Variants in OPCML observed in about 807,000 individuals in gnomAD.
OPCML encodes the protein opioid binding protein/cell adhesion molecule like.
Under a neutral mutation model 37.8 loss-of-function variants are expected in OPCML, and 13 were observed. The observed-to-expected ratio is 0.34, with a 90% CI of 0.22 to 0.55. The LOEUF (loss-of-function observed/expected upper bound fraction) is 0.55. OPCML is among the 20% of genes least tolerant of loss of function. The pLI is 0.91. For missense variants in OPCML, 341 were observed against 435.6 expected (o/e 0.78, Z 1.93); for synonymous variants, 176 against 168.8 (o/e 1.04, Z -0.33).
At chr11:133,318,839 G>T (rs980828038) in intron 1 of OPCML, among the ~76,000 whole-genome samples, 1 of 151,930 alleles carries the variant, frequency 6.6e-6, no homozygotes, top group Non-Finnish European at 1.5e-5. Context: ...GAGTTTGAGA[G>T]CAGCCTGGCC....
intron 1 of OPCML, among the ~76,000 whole-genome samples, chr11:133,099,163 C>T (rs1410762687): frequency 6.6e-6 from 1 of 151,892 alleles, no homozygotes; most frequent in East Asian, 1.9e-4. Flanking sequence ...AAGAAAACTA[C>T]AAAGATATCA....
chr11:132,673,769 A>G (rs547595172), intron 2 of OPCML, among the ~76,000 whole-genome samples: 35 of 152,258 alleles, frequency 2.3e-4, no homozygotes, highest in African/African-American at 8.4e-4. Flanking sequence ...CCTTATGATG[A>G]CTTGTCAAAA....
At chr11:132,637,097 A>AT (rs775142360) in intron 3 of OPCML, among the ~76,000 whole-genome samples, 11 of 151,402 alleles carry the variant, frequency 7.3e-5, no homozygotes, top group Non-Finnish European at 1.0e-4. Flanking sequence ...CTATTTATAT[A>AT]TTTTTTACTT....
chr11:132,708,823 T>C (rs186183337), intron 2 of OPCML, among the ~76,000 whole-genome samples: 55 of 152,362 alleles, frequency 3.6e-4, no homozygotes, highest in Non-Finnish European at 1.9e-4. Context: ...ACATACATTA[T>C]GGCTACCAGT....
At chr11:133,471,060 C>T (rs1325294035) in intron 1 of OPCML, among the ~76,000 whole-genome samples, 1 of 152,196 alleles carries the variant, frequency 6.6e-6, no homozygotes, top group Non-Finnish European at 1.5e-5. Context: ...GACATGATCC[C>T]TGTCCTTGAA....
At chr11:132,994,217 G>A (rs1946835826) in intron 1 of OPCML, among the ~76,000 whole-genome samples, 1 of 152,328 alleles carries the variant, frequency 6.6e-6, no homozygotes, top group East Asian at 1.9e-4. Flanking sequence ...AGCGGCTGGT[G>A]CGCTCCTGCC....
At chr11:133,203,592 A>T (rs1938895926) in intron 1 of OPCML, among the ~76,000 whole-genome samples, 1 of 152,170 alleles carries the variant, frequency 6.6e-6, no homozygotes, top group Non-Finnish European at 1.5e-5. Context: ...TAGAAGATAA[A>T]TTACTAAGAA....
intron 1 of OPCML, among the ~76,000 whole-genome samples, chr11:133,401,101 T>C (rs1161528578): frequency 6.6e-6 from 1 of 152,098 alleles, no homozygotes; most frequent in Non-Finnish European, 1.5e-5. Flanking sequence ...GAAAAATAAA[T>C]ACCAAGAGGA....
chr11:132,721,100 C>CTCAT (rs750126243), intron 2 of OPCML, among the ~76,000 whole-genome samples: 157 of 152,218 alleles, frequency 1.0e-3, no homozygotes, highest in African/African-American at 2.6e-3. Context: ...GGTTTGATTG[C>CTCAT]TCATTCATTC....
In OPCML at chr11:133,205,129, ATGAGG is replaced by A. The variant is rs1177569705; in HGVS notation, c.62-262124_62-262120del. Among the ~76,000 whole-genome samples, 1 of 151,800 alleles carries A rather than the reference ATGAGG, an allele frequency of 6.6e-6. No individual in the cohort carries two copies. The highest frequency in any genetic ancestry group is 1.5e-5 in the Non-Finnish European group (1 of 67,980). On this transcript the variant is annotated intron_variant, in intron 1 of 7. Coordinates refer to ENST00000524381, the MANE Select transcript of OPCML (RefSeq NM_001012393.5). This position sits in a 1 kb window ranked among gnomAD's most constrained non-coding sequence, Gnocchi z 4.8. ...CACCCTCTTCTTCCTGGGAGGGGAG[ATGAGG>A]TGAAGGTTGAGTTGCTCACCAATGG...
At chr11:133,118,422 G>T (rs751810089) in intron 1 of OPCML, 61 of 985,196 alleles carry the variant, frequency 6.2e-5, no homozygotes, top group Non-Finnish European at 7.4e-5. Flanking sequence ...CTTTCATGGA[G>T]TTTACACAAT....
rs960759102 is a variant in OPCML at position 133,003,992 on chromosome 11, C to A, written c.62-60982G>T. 22 of 985,294 alleles carry A rather than the reference C, an allele frequency of 2.2e-5. No individual in the cohort carries two copies. In the Admixed American group the frequency reaches 1.4e-3, roughly 61 times the overall value. The allele number at this position is 985,294 out of a possible 1,614,324, so 61.0% of individuals were successfully genotyped here. On this transcript the variant is annotated intron_variant, in intron 1 of 7. Transcript: ENST00000524381. ...AGATCCCTCGAGAAGTCCCTGCACC[C>A]CGAGGAAGTGGCACACGTCTCTCAC...
intron 1 of OPCML, among the ~76,000 whole-genome samples, chr11:133,196,518 A>G (rs115810870): frequency 2.8e-3 from 425 of 152,320 alleles, no homozygotes; most frequent in African/African-American, 9.3e-3. Flanking sequence ...ACTGCTTGAT[A>G]CCAGAGGGGA....
intron 1 of OPCML, among the ~76,000 whole-genome samples, chr11:133,333,217 C>G (rs1223959546): frequency 6.6e-6 from 1 of 152,082 alleles, no homozygotes. Flanking sequence ...CACCACCATG[C>G]CCAGTACATT....
intron 2 of OPCML, among the ~76,000 whole-genome samples, chr11:132,683,167 T>C (rs1943025313): frequency 6.6e-6 from 1 of 152,100 alleles, no homozygotes. Flanking sequence ...GTAATCCCAA[T>C]AATTTGGGAA....
At chr11:132,758,633 T>G (rs532277272) in intron 2 of OPCML, among the ~76,000 whole-genome samples, 140 of 152,342 alleles carry the variant, frequency 9.2e-4, no homozygotes, top group African/African-American at 3.3e-3. Context: ...ATGCTTGTGG[T>G]TTTTGCACAT....
chr11:132,538,218 T>G lies in OPCML; in HGVS notation c.380-9032A>C, dbSNP rs188684500. 3.4e-4 allele frequency among the ~76,000 whole-genome samples: 52 copies of G among 152,290 alleles called. No homozygotes were observed. The Middle Eastern group carries it at 0.014, about 40-fold the overall frequency. ...TGTGATACACCAATACAATGGAATATTATATAAGCATACAAAGAAACAAAG... is the reference window on the plus strand; with the variant it reads ...TGTGATACACCAATACAATGGAATAGTATATAAGCATACAAAGAAACAAAG... On this transcript the variant is annotated intron_variant, in intron 3 of 7. Transcript: ENST00000524381.
intron 1 of OPCML, among the ~76,000 whole-genome samples, chr11:133,229,412 T>C (rs958846264): frequency 1.3e-5 from 2 of 152,186 alleles, no homozygotes; most frequent in African/African-American, 4.8e-5. Context: ...TCAAAACCTG[T>C]CAGTTTGAAT....
rs760616968 is a variant in OPCML at position 132,419,932 on chromosome 11, A to T, written c.*261T>A. On this transcript the variant is annotated 3_prime_UTR_variant, in exon 8 of 8. Coordinates refer to ENST00000524381, the MANE Select transcript of OPCML (RefSeq NM_001012393.5). ...GCAGAGGAAAGGGAAGGGTCAAGGT[A>T]GCAGGAGCAGACCCCATTTTTGGAC... The T allele has an allele frequency of 1.6e-5, 7 of 450,582 alleles. No individual in the cohort carries two copies. The highest frequency in any genetic ancestry group is 3.9e-5 in the East Asian group (1 of 25,728). 27.9% of individuals were successfully genotyped at this position (450,582 alleles called of 1,614,324 possible).
Sources: allele counts gnomAD v4.1 joint callset (sites outside exome capture counted in the v4.1 genomes callset), GRCh38; gene constraint gnomAD v4.1.1; non-coding constraint Gnocchi (gnomAD v3.1); transcripts MANE v1.5; gene names NCBI Gene and HGNC (gene_info 2026-07-23, HGNC 2026-07-21).